The following HS6ST3 variants were observed in gnomAD, a reference collection of about 807,000 sequenced individuals.
HS6ST3 encodes the protein heparan sulfate 6-O-sulfotransferase 3, also known as heparan-sulfate 6-O-sulfotransferase 3.
HS6ST3 carries 12 observed loss-of-function variants against 36.7 expected under a neutral mutation model. The observed-to-expected ratio is 0.33, with a 90% CI of 0.21 to 0.53. The LOEUF is 0.53. Ranked by LOEUF, HS6ST3 falls within the 20% of genes least tolerant of loss-of-function variation. The pLI is 0.95. For synonymous variants in HS6ST3, 240 were observed against 257.5 expected, an observed-to-expected ratio of 0.93 and a Z score of 0.65; for missense variants, 584 against 640.9, an observed-to-expected ratio of 0.91 and a Z score of 0.96.
At chr13:96,504,898 A>G (rs2056020199) in intron 1 of HS6ST3, among the ~76,000 whole-genome samples, 1 of 152,194 alleles carries the variant, frequency 6.6e-6, no homozygotes, top group Admixed American at 6.6e-5. Context: ...TAACTGCTAA[A>G]TGTAAAAATA....
intron 1 of HS6ST3, among the ~76,000 whole-genome samples, chr13:96,536,478 G>A (rs978540910): frequency 6.6e-6 from 1 of 152,104 alleles, no homozygotes; most frequent in Non-Finnish European, 1.5e-5. Context: ...ACACACACAG[G>A]GATGCTTAGA....
chr13:96,461,233 C>A (rs748606992), intron 1 of HS6ST3, among the ~76,000 whole-genome samples: 3 of 152,060 alleles, frequency 2.0e-5, no homozygotes, highest in Non-Finnish European at 2.9e-5. Context: ...ATGTGCCAGA[C>A]GTTGGGAATG....
intron 1 of HS6ST3, among the ~76,000 whole-genome samples, chr13:96,819,658 C>G (rs1421930600): frequency 2.6e-5 from 4 of 152,116 alleles, no homozygotes; most frequent in Non-Finnish European, 5.9e-5. Context: ...GACACAGAAC[C>G]AACACGTGTA....
chr13:96,831,694 C>T (rs1200291937), intron 1 of HS6ST3, among the ~76,000 whole-genome samples: 2 of 152,098 alleles, frequency 1.3e-5, no homozygotes, highest in African/African-American at 4.8e-5. Context: ...CTGGCTCATG[C>T]CTGTAATCCC....
chr13:96,427,332 AC>A (rs745840380), intron 1 of HS6ST3: 2 of 153,766 alleles, frequency 1.3e-5, no homozygotes, highest in Non-Finnish European at 2.9e-5. Context: ...ATAAGATAGT[AC>A]CTGTCAAATA....
intron 1 of HS6ST3, among the ~76,000 whole-genome samples, chr13:96,655,911 C>T (rs138244041): frequency 1.3e-5 from 2 of 152,008 alleles, no homozygotes; most frequent in African/African-American, 2.4e-5. Context: ...ATCTCAAGGA[C>T]GAAGGCTGGG....
intron 1 of HS6ST3, among the ~76,000 whole-genome samples, chr13:96,278,436 G>C (rs375494806): frequency 4.3e-4 from 65 of 152,088 alleles, no homozygotes; most frequent in African/African-American, 1.4e-3. Context: ...TTTAAAGAAG[G>C]GTTCAGCAAA....
At chr13:96,291,327 T>C (rs1272703632) in intron 1 of HS6ST3, among the ~76,000 whole-genome samples, 1 of 152,152 alleles carries the variant, frequency 6.6e-6, no homozygotes, top group Non-Finnish European at 1.5e-5. Context: ...TCTGCCAGCC[T>C]TGGGCTTGTT....
chr13:96,331,129 T>C (rs1289192144), intron 1 of HS6ST3, among the ~76,000 whole-genome samples: 2 of 152,220 alleles, frequency 1.3e-5, no homozygotes, highest in Non-Finnish European at 2.9e-5. Context: ...TTGGTTTGAA[T>C]GTCCTCCCGT....
At chr13:96,346,543 G>A (rs1015067738) in intron 1 of HS6ST3, among the ~76,000 whole-genome samples, 3 of 150,440 alleles carry the variant, frequency 2.0e-5, no homozygotes, top group East Asian at 2.0e-4. Context: ...CCACTGCACT[G>A]CAGCCTGGGC....
intron 1 of HS6ST3, among the ~76,000 whole-genome samples, chr13:96,721,657 A>G (rs1241229474): frequency 6.6e-6 from 1 of 152,164 alleles, no homozygotes; most frequent in Non-Finnish European, 1.5e-5. Flanking sequence ...TTGTTATACA[A>G]TCTACATTAC....
intron 1 of HS6ST3, among the ~76,000 whole-genome samples, chr13:96,417,859 T>G (rs1212793205): frequency 6.6e-6 from 1 of 151,858 alleles, no homozygotes; most frequent in Non-Finnish European, 1.5e-5. Flanking sequence ...CAATACAGGT[T>G]TAGATTCCTG....
intron 1 of HS6ST3, among the ~76,000 whole-genome samples, chr13:96,198,501 A>G (rs1364779260): frequency 1.3e-5 from 2 of 152,248 alleles, no homozygotes; most frequent in African/African-American, 4.8e-5. Context: ...AAATGCCTTT[A>G]ACAGTACCCA....
At chr13:96,373,870 C>A (rs1379161165) in intron 1 of HS6ST3, among the ~76,000 whole-genome samples, 1 of 152,210 alleles carries the variant, frequency 6.6e-6, no homozygotes, top group African/African-American at 2.4e-5. Context: ...CTGACTATCA[C>A]AACTTCCAAG....
At chr13:96,486,375 T>A (rs1238998519) in intron 1 of HS6ST3, among the ~76,000 whole-genome samples, 2 of 152,112 alleles carry the variant, frequency 1.3e-5, no homozygotes, top group Non-Finnish European at 2.9e-5. Context: ...CTTTGGGTAT[T>A]TACCCAGTAA....
At chr13:96,804,633 G>A (rs763753747) in intron 1 of HS6ST3, among the ~76,000 whole-genome samples, 1 of 151,328 alleles carries the variant, frequency 6.6e-6, no homozygotes, top group Non-Finnish European at 1.5e-5. Flanking sequence ...TTTTTTTAGC[G>A]ATTGTGATGT....
chr13:96,429,898 G>C lies in HS6ST3; in HGVS notation c.707+338329G>C, dbSNP rs544204153. On this transcript the variant is annotated intron_variant, in intron 1 of 1. Coordinates refer to ENST00000376705, the MANE Select transcript of HS6ST3 (RefSeq NM_153456.4). ...TAAAATTCAGCTATGGTTAGCCACT[G>C]TGTGTTACTGGATTTTACAGAAATA... Among the ~76,000 whole-genome samples, 11 of 152,322 alleles carry C rather than the reference G, an allele frequency of 7.2e-5. No homozygotes were observed. The East Asian group carries it at 1.7e-3, about 24-fold the overall frequency.
intron 1 of HS6ST3, among the ~76,000 whole-genome samples, chr13:96,639,470 C>T (rs959389103): frequency 6.6e-6 from 1 of 151,764 alleles, no homozygotes; most frequent in African/African-American, 2.4e-5. Context: ...TTTTTAAATC[C>T]ATTCTGCTAA....
chr13:96,331,946 A>G (rs987527474), intron 1 of HS6ST3, among the ~76,000 whole-genome samples: 5 of 152,186 alleles, frequency 3.3e-5, no homozygotes, highest in African/African-American at 1.2e-4. Flanking sequence ...CAGATTTTCC[A>G]GGTGCCGTCA....
Sources: allele counts gnomAD v4.1 joint callset (sites outside exome capture counted in the v4.1 genomes callset), GRCh38; gene constraint gnomAD v4.1.1; transcripts MANE v1.5; gene names NCBI Gene and HGNC (gene_info 2026-07-23, HGNC 2026-07-21).